TNS1: variants seen among roughly 807,000 people sequenced by gnomAD.
The protein encoded by TNS1 is tensin-1.
In TNS1, 62 loss-of-function variants were observed where a neutral mutation model predicts 168.6. The observed-to-expected ratio is 0.37, with a 90% CI of 0.30 to 0.45. TNS1 has a LOEUF of 0.45. TNS1 is among the 20% of genes least tolerant of loss of function. The pLI is 1.00. For missense variants in TNS1, 2,240 were observed against 2,339.4 expected, an observed-to-expected ratio of 0.96 and a Z score of 0.88; for synonymous variants, 934 against 933.2, an observed-to-expected ratio of 1.00 and a Z score of -0.02.
At chr2:217,878,795 G>A (rs1950424151) in intron 18 of TNS1, among the ~76,000 whole-genome samples, 1 of 152,254 alleles carries the variant, frequency 6.6e-6, no homozygotes, top group Non-Finnish European at 1.5e-5. Flanking sequence ...AAGCCAGGTA[G>A]TTTGGCTGCA....
intron 21 of TNS1, among the ~76,000 whole-genome samples, chr2:217,834,364 G>C (rs2125312478): frequency 6.6e-6 from 1 of 152,328 alleles, no homozygotes; most frequent in South Asian, 2.1e-4. Context: ...TGCTGACCCA[G>C]GCCTCTCCTG....
chr2:217,912,267 G>C (rs988892929), intron 4 of TNS1, among the ~76,000 whole-genome samples: 7 of 152,246 alleles, frequency 4.6e-5, no homozygotes, highest in Admixed American at 2.0e-4. Context: ...ACAACAGGGT[G>C]GGGGAGGTTC....
At chr2:218,015,918 G>T (rs1379285822) in intron 1 of TNS1, among the ~76,000 whole-genome samples, 2 of 152,230 alleles carry the variant, frequency 1.3e-5, no homozygotes, top group Non-Finnish European at 2.9e-5. Flanking sequence ...GCAGACCTAG[G>T]AGCTGGGCGC....
rs1480258084 is a variant in TNS1 at position 217,886,117 on chromosome 2, G to T, written c.980-13C>A. On this transcript the variant is annotated splice_polypyrimidine_tract_variant and intron_variant, in intron 13 of 32. Coordinates refer to ENST00000682258, the MANE Select transcript of TNS1 (RefSeq NM_001387777.1). ...AATGGCCGACATCCTGTAAAAGTGG[G>T]GTGGGTGTTAGCTAAGACAGCAGAA... 6.2e-7 allele frequency: 1 copy of T among 1,613,948 alleles called. No homozygotes were observed. Among genetic ancestry groups the T allele is most frequent in the South Asian group, 1.1e-5 (1 of 91,052 alleles).
chr2:217,970,384 T>C (rs762974730), intron 3 of TNS1, among the ~76,000 whole-genome samples: 2 of 152,108 alleles, frequency 1.3e-5, no homozygotes, highest in Non-Finnish European at 2.9e-5. Flanking sequence ...ACTCCACAAT[T>C]CCACTCCCAA....
chr2:217,908,858 T>C (rs1400729046), intron 4 of TNS1, among the ~76,000 whole-genome samples: 1 of 151,988 alleles, frequency 6.6e-6, no homozygotes, highest in Non-Finnish European at 1.5e-5. Context: ...TCCACTATCC[T>C]CCCTGCTGCT....
At chr2:217,946,273 C>T (rs1004759812) in intron 3 of TNS1, among the ~76,000 whole-genome samples, 5 of 152,164 alleles carry the variant, frequency 3.3e-5, no homozygotes, top group Non-Finnish European at 4.4e-5. Context: ...CTGGGGCTTC[C>T]GCGGCTCACT....
At chr2:218,016,034 G>A (rs796078013) in intron 1 of TNS1, among the ~76,000 whole-genome samples, 13 of 152,188 alleles carry the variant, frequency 8.5e-5, no homozygotes, top group African/African-American at 3.1e-4. Context: ...GCAGGAGAAG[G>A]AGGAAGGAGG....
chr2:217,902,674 C>G (rs566942070), intron 6 of TNS1, among the ~76,000 whole-genome samples: 23 of 152,150 alleles, frequency 1.5e-4, no homozygotes, highest in Non-Finnish European at 2.9e-4. Context: ...CTGGCCAGGC[C>G]GCCTCCAGAG....
At chr2:217,914,662 T>C (rs1388472574) in intron 4 of TNS1, among the ~76,000 whole-genome samples, 1 of 152,134 alleles carries the variant, frequency 6.6e-6, no homozygotes, top group East Asian at 1.9e-4. Flanking sequence ...ATTTTTGTAT[T>C]TTTAGTAGAG....
At chr2:217,842,790 C>T (rs1313637632) in intron 19 of TNS1, among the ~76,000 whole-genome samples, 2 of 152,184 alleles carry the variant, frequency 1.3e-5, no homozygotes, top group African/African-American at 2.4e-5. Context: ...CCCTTGATCA[C>T]TCTACTCCAG....
At chr2:217,850,121 C>T (rs929245135) in intron 18 of TNS1, 78 of 985,350 alleles carry the variant, frequency 7.9e-5, no homozygotes, top group East Asian at 1.1e-4. Context: ...GAAAGGGACG[C>T]GGGTCCTGGG....
At chr2:217,865,835 G>A (rs1420025300) in intron 18 of TNS1, among the ~76,000 whole-genome samples, 3 of 152,176 alleles carry the variant, frequency 2.0e-5, no homozygotes, top group African/African-American at 7.2e-5. Flanking sequence ...AAGAGGGGCA[G>A]GAGAAAAGGG....
intron 1 of TNS1, among the ~76,000 whole-genome samples, chr2:218,015,554 G>A (rs1359788270): frequency 1.3e-5 from 2 of 152,084 alleles, no homozygotes; most frequent in Admixed American, 6.5e-5. Context: ...TGTCTTGCCT[G>A]AGGAAGGAGA....
intron 6 of TNS1, among the ~76,000 whole-genome samples, chr2:217,902,714 C>T (rs1462701854): frequency 6.6e-6 from 1 of 152,198 alleles, no homozygotes; most frequent in African/African-American, 2.4e-5. Flanking sequence ...GCCCGCTCTG[C>T]TCCACCGGGC....
chr2:217,870,068 C>G (rs758957492), intron 18 of TNS1, among the ~76,000 whole-genome samples: 5 of 151,858 alleles, frequency 3.3e-5, no homozygotes, highest in Non-Finnish European at 4.4e-5. Flanking sequence ...CTTTGAACAA[C>G]GTTGTTATGC....
At chr2:217,917,043 C>T (rs562599686) in intron 4 of TNS1, among the ~76,000 whole-genome samples, 4 of 152,328 alleles carry the variant, frequency 2.6e-5, no homozygotes, top group South Asian at 2.1e-4. Flanking sequence ...CTCGCCCGCC[C>T]GTGAGGAAAC....
At chr2:217,970,490 A>G (rs537458476) in intron 3 of TNS1, among the ~76,000 whole-genome samples, 2 of 152,362 alleles carry the variant, frequency 1.3e-5, no homozygotes, top group African/African-American at 4.8e-5. Flanking sequence ...AAAAAGTGAA[A>G]CAACCCAAAT....
At chr2:217,806,261 G>A (rs1051815595) in intron 32 of TNS1, among the ~76,000 whole-genome samples, 5 of 152,254 alleles carry the variant, frequency 3.3e-5, no homozygotes, top group African/African-American at 1.2e-4. Flanking sequence ...ATAGATCCAG[G>A]CAAGAAGCCT....
Sources: gnomAD v4.1 joint callset for allele counts (sites outside exome capture counted in the v4.1 genomes callset) on GRCh38, gnomAD v4.1.1 for gene constraint, MANE v1.5 for transcripts, NCBI Gene and HGNC (gene_info 2026-07-23, HGNC 2026-07-21) for gene names.